Variants in DLGAP2 observed in about 807,000 individuals in gnomAD.
The protein encoded by DLGAP2 is DLG associated protein 2, also known as disks large-associated protein 2.
In DLGAP2, 26 loss-of-function variants were observed where a neutral mutation model predicts 100.3. The observed-to-expected ratio is 0.26, with a 90% CI of 0.19 to 0.36. The LOEUF (loss-of-function observed/expected upper bound fraction) is 0.36, where lower values mean the gene tolerates loss of function less well. Ranked by LOEUF, DLGAP2 falls within the 10% of genes least tolerant of loss-of-function variation. The probability of loss-of-function intolerance (pLI) is 1.00; values close to 1 mark genes in which losing one functional copy is unlikely to be tolerated. For missense variants in DLGAP2, 1,858 were observed against 1,453.2 expected (o/e 1.28, Z -4.53); for synonymous variants, 886 against 630.1 (o/e 1.41, Z -6.08).
chr8:843,428 G>C (rs1337303246), intron 1 of DLGAP2, among the ~76,000 whole-genome samples: 1 of 152,228 alleles, frequency 6.6e-6, no homozygotes, highest in Non-Finnish European at 1.5e-5. Flanking sequence ...TCTGCACACT[G>C]ACTGCTGGTG....
At chr8:1,588,874 A>T (rs911407389) in intron 6 of DLGAP2, among the ~76,000 whole-genome samples, 1 of 152,108 alleles carries the variant, frequency 6.6e-6, no homozygotes, top group Admixed American at 6.6e-5. Context: ...TTGAGCCGAG[A>T]TCACGCCACT....
At chr8:1,695,047 G>A (rs576738575) in intron 13 of DLGAP2, among the ~76,000 whole-genome samples, 1 of 152,294 alleles carries the variant, frequency 6.6e-6, no homozygotes, top group South Asian at 2.1e-4. Flanking sequence ...GAGAGGAGGG[G>A]GGCACGGGAA....
chr8:1,045,328 G>A (rs1030110518), intron 2 of DLGAP2, among the ~76,000 whole-genome samples: 3 of 152,128 alleles, frequency 2.0e-5, no homozygotes, highest in Non-Finnish European at 2.9e-5. Flanking sequence ...AGTGCCCAGC[G>A]TATACTCAAC....
intron 2 of DLGAP2, among the ~76,000 whole-genome samples, chr8:1,108,265 A>C (rs1033051548): frequency 1.1e-4 from 17 of 152,156 alleles, no homozygotes; most frequent in Non-Finnish European, 4.4e-5. Context: ...TATGTGCTGA[A>C]TGTTTCCCCA....
At chr8:747,501 G>C (rs952858270) in intron 1 of DLGAP2, among the ~76,000 whole-genome samples, 1 of 147,210 alleles carries the variant, frequency 6.8e-6, no homozygotes, top group Non-Finnish European at 1.5e-5. Context: ...CGAGGGGAAC[G>C]CGGAGGACAC....
At chr8:781,454 C>G (rs1821684817) in intron 1 of DLGAP2, among the ~76,000 whole-genome samples, 2 of 151,908 alleles carry the variant, frequency 1.3e-5, no homozygotes, top group Admixed American at 6.6e-5. Context: ...GCTTAAAATG[C>G]AAACCTGAAT....
At chr8:981,591 T>G (rs766905379) in intron 2 of DLGAP2, among the ~76,000 whole-genome samples, 1 of 152,170 alleles carries the variant, frequency 6.6e-6, no homozygotes, top group Non-Finnish European at 1.5e-5. Flanking sequence ...ATATGGTATT[T>G]TTTGTTGTTT....
intron 4 of DLGAP2, among the ~76,000 whole-genome samples, chr8:1,542,940 G>A (rs931135300): frequency 2.0e-5 from 3 of 152,166 alleles, no homozygotes; most frequent in African/African-American, 4.8e-5. Context: ...CTGTGGTTTT[G>A]ATTTCATTTC....
At chr8:1,632,476 G>T (rs960717086) in intron 7 of DLGAP2, among the ~76,000 whole-genome samples, 1 of 152,180 alleles carries the variant, frequency 6.6e-6, no homozygotes, top group Non-Finnish European at 1.5e-5. Flanking sequence ...AGGGAAGGAA[G>T]AAATGGATTC....
At chr8:1,173,551 C>T (rs1010338509) in intron 2 of DLGAP2, among the ~76,000 whole-genome samples, 9 of 152,274 alleles carry the variant, frequency 5.9e-5, no homozygotes, top group South Asian at 2.1e-4. Context: ...TGGAGCTTCC[C>T]GGTTGCTTTG....
At chr8:1,050,283 T>C (rs936882661) in intron 2 of DLGAP2, among the ~76,000 whole-genome samples, 1 of 152,270 alleles carries the variant, frequency 6.6e-6, no homozygotes, top group Non-Finnish European at 1.5e-5. Flanking sequence ...TCAAACATGA[T>C]ACAGGTTTCC....
At position 1,463,000 on chromosome 8, in the gene DLGAP2, G is replaced by A. The variant is rs1223834733; in HGVS notation, c.107-38366G>A. Among the ~76,000 whole-genome samples the A allele has an allele frequency of 2.0e-5, 3 of 152,202 alleles. No homozygotes were observed. In the East Asian group the frequency reaches 5.8e-4, roughly 29 times the overall value. On this transcript the variant is annotated intron_variant, in intron 3 of 14. Coordinates refer to ENST00000637795, the MANE Select transcript of DLGAP2 (RefSeq NM_001346810.2). ...GTAGTGGCTCACGCCTGTAATCCCA[G>A]CACTTTGGGAGTCTGAGGCGGGTGG...
At chr8:1,424,464 C>T (rs926118074) in intron 3 of DLGAP2, among the ~76,000 whole-genome samples, 62 of 152,330 alleles carry the variant, frequency 4.1e-4, no homozygotes, top group African/African-American at 1.3e-3. Flanking sequence ...TTGTGTATAG[C>T]TGCCCAATGG....
chr8:811,683 T>C (rs1429798527), intron 1 of DLGAP2, among the ~76,000 whole-genome samples: 1 of 144,842 alleles, frequency 6.9e-6, no homozygotes, highest in Non-Finnish European at 1.5e-5. Context: ...CCTGCCGTGG[T>C]GAGAGGCCAC....
At chr8:1,259,174 A>T (rs1799291008) in intron 3 of DLGAP2, among the ~76,000 whole-genome samples, 1 of 152,332 alleles carries the variant, frequency 6.6e-6, no homozygotes, top group South Asian at 2.1e-4. Flanking sequence ...CTGTGAGGTA[A>T]CAGATGCTGA....
At chr8:1,086,538 G>C (rs1333253436) in intron 2 of DLGAP2, among the ~76,000 whole-genome samples, 1 of 152,102 alleles carries the variant, frequency 6.6e-6, no homozygotes, top group Non-Finnish European at 1.5e-5. Context: ...ACTTCATTTT[G>C]AAGGACACAC....
chr8:925,917 G>A (rs529936520), intron 2 of DLGAP2, among the ~76,000 whole-genome samples: 6 of 152,202 alleles, frequency 3.9e-5, no homozygotes, highest in Non-Finnish European at 5.9e-5. Context: ...GGGTTTTCCC[G>A]CCCTACTGAA....
chr8:1,435,113 G>T (rs73172544), intron 3 of DLGAP2, among the ~76,000 whole-genome samples: 1 of 152,076 alleles, frequency 6.6e-6, no homozygotes, highest in Admixed American at 6.5e-5. Flanking sequence ...CAACCTACTC[G>T]GGCCTACTGT....
intron 3 of DLGAP2, among the ~76,000 whole-genome samples, chr8:1,350,059 T>G (rs1287871894): frequency 6.6e-6 from 1 of 152,254 alleles, no homozygotes; most frequent in African/African-American, 2.4e-5. Context: ...AGAAACCGTT[T>G]CGATATTAAA....
Sources: gnomAD v4.1 joint callset for allele counts (sites outside exome capture counted in the v4.1 genomes callset) on GRCh38, gnomAD v4.1.1 for gene constraint, MANE v1.5 for transcripts, NCBI Gene and HGNC (gene_info 2026-07-23, HGNC 2026-07-21) for gene names.